The following AFG1L variants were observed in gnomAD, a reference collection of about 807,000 sequenced individuals.
AFG1L encodes the protein AFG1-like ATPase.
AFG1L carries 53 observed loss-of-function variants against 62.2 expected under a neutral mutation model. The ratio of observed to expected loss-of-function variants is 0.85; its 90% CI spans 0.68 to 1.07. The LOEUF is 1.07. AFG1L is among the 50% of genes least tolerant of loss of function. The pLI is 0.00. For synonymous variants in AFG1L, 228 were observed against 210.3 expected, an observed-to-expected ratio of 1.08 and a Z score of -0.73; for missense variants, 555 against 590.5, an observed-to-expected ratio of 0.94 and a Z score of 0.62.
intron 1 of AFG1L, among the ~76,000 whole-genome samples, chr6:108,300,400 A>G (rs991190299): frequency 1.3e-5 from 2 of 152,112 alleles, no homozygotes; most frequent in African/African-American, 4.8e-5. Flanking sequence ...GATCTGCCCA[A>G]CTTGGACCCC....
chr6:108,330,277 G>A (rs1778223593), intron 2 of AFG1L, among the ~76,000 whole-genome samples: 1 of 149,640 alleles, frequency 6.7e-6, no homozygotes, highest in African/African-American at 2.5e-5. Flanking sequence ...CCGGGTTCAA[G>A]CGATTCTCTT....
intron 8 of AFG1L, among the ~76,000 whole-genome samples, chr6:108,449,169 A>G (rs1771944515): frequency 6.6e-6 from 1 of 151,260 alleles, no homozygotes; most frequent in South Asian, 2.1e-4. Context: ...GTATATATAT[A>G]TATATATAAG....
intron 2 of AFG1L, among the ~76,000 whole-genome samples, chr6:108,343,114 G>T (rs570762654): frequency 6.5e-4 from 99 of 151,680 alleles, no homozygotes; most frequent in African/African-American, 2.1e-3. Context: ...GCCCAGGCTG[G>T]AGTGCAATGG....
chr6:108,301,859 G>A (rs1484257056), intron 1 of AFG1L, among the ~76,000 whole-genome samples: 1 of 151,878 alleles, frequency 6.6e-6, no homozygotes, highest in Non-Finnish European at 1.5e-5. Context: ...CTTCTGAGTA[G>A]CAACCAGAGA....
intron 10 of AFG1L, among the ~76,000 whole-genome samples, chr6:108,503,251 C>T (rs565741763): frequency 2.0e-5 from 3 of 152,326 alleles, no homozygotes; most frequent in African/African-American, 4.8e-5. Context: ...TTTCAATTAA[C>T]TTAGCCCAGA....
intron 7 of AFG1L, among the ~76,000 whole-genome samples, chr6:108,428,130 TC>T (rs1435305866): frequency 2.0e-5 from 3 of 152,106 alleles, no homozygotes; most frequent in Non-Finnish European, 4.4e-5. Context: ...GTCTCTAATG[TC>T]CATTATATCA....
intron 7 of AFG1L, among the ~76,000 whole-genome samples, chr6:108,435,286 G>A (rs1279029294): frequency 2.0e-5 from 3 of 152,198 alleles, no homozygotes; most frequent in Non-Finnish European, 1.5e-5. Context: ...TACTGGCCAG[G>A]TAGGAGGACT....
chr6:108,350,332 TTAAA>T (rs140196745), intron 3 of AFG1L, among the ~76,000 whole-genome samples: 4,394 of 151,722 alleles, frequency 0.029, 207 homozygotes, highest in African/African-American at 0.1. Context: ...TAAGAAAAAT[TTAAA>T]TAAATAAATA....
intron 11 of AFG1L, among the ~76,000 whole-genome samples, chr6:108,510,634 C>T (rs943616323): frequency 6.6e-6 from 1 of 152,176 alleles, no homozygotes; most frequent in Non-Finnish European, 1.5e-5. Flanking sequence ...AGTAAAGCTC[C>T]CATCACAAGA....
intron 1 of AFG1L, among the ~76,000 whole-genome samples, chr6:108,304,732 A>G (rs952773757): frequency 3.3e-5 from 5 of 152,338 alleles, no homozygotes; most frequent in South Asian, 4.1e-4. Flanking sequence ...GATTTCATTT[A>G]ACTAAGCATG....
At chr6:108,340,845 G>C (rs1266632485) in intron 2 of AFG1L, among the ~76,000 whole-genome samples, 1 of 152,138 alleles carries the variant, frequency 6.6e-6, no homozygotes, top group Non-Finnish European at 1.5e-5. Context: ...ACGTGGGTGG[G>C]ATTGCAGTTT....
At chr6:108,346,826 T>G (rs866630147) in intron 2 of AFG1L, among the ~76,000 whole-genome samples, 162 bp from the exon 3 acceptor site, 1 of 152,234 alleles carries the variant, frequency 6.6e-6, no homozygotes, top group Non-Finnish European at 1.5e-5. Flanking sequence ...TAAGGCTGCA[T>G]AATATTTCAG....
chr6:108,425,111 A>G (rs187305765), intron 7 of AFG1L, among the ~76,000 whole-genome samples: 16 of 152,268 alleles, frequency 1.1e-4, no homozygotes. Context: ...AGAGCAAGGC[A>G]TATGTAGAAA....
intron 8 of AFG1L, among the ~76,000 whole-genome samples, chr6:108,476,198 T>A (rs1036291939): frequency 1.3e-5 from 2 of 152,170 alleles, no homozygotes; most frequent in Non-Finnish European, 2.9e-5. Flanking sequence ...GATTTCTAAT[T>A]AGAATACAAA....
intron 10 of AFG1L, among the ~76,000 whole-genome samples, chr6:108,499,803 T>TA (rs1212189717): frequency 6.6e-6 from 1 of 152,044 alleles, no homozygotes; most frequent in Non-Finnish European, 1.5e-5. Flanking sequence ...GGAATTTTTT[T>TA]AAAAAAATAA....
intron 1 of AFG1L, among the ~76,000 whole-genome samples, chr6:108,300,702 T>G (rs971093858): frequency 6.6e-6 from 1 of 151,288 alleles, no homozygotes. Context: ...AGACTGAATA[T>G]CACTCTGTCA....
At chr6:108,306,950 C>T (rs1033251793) in intron 1 of AFG1L, among the ~76,000 whole-genome samples, 1 of 152,052 alleles carries the variant, frequency 6.6e-6, no homozygotes, top group Non-Finnish European at 1.5e-5. Flanking sequence ...TAAAACAGGT[C>T]TCTCCTGTTT....
chr6:108,377,649 G>A (rs1027158444), intron 6 of AFG1L, among the ~76,000 whole-genome samples: 3 of 151,928 alleles, frequency 2.0e-5, no homozygotes, highest in African/African-American at 7.3e-5. Context: ...TACATAATCT[G>A]CCCCTTTTCT....
At chr6:108,466,229 T>C (rs1439966931) in intron 8 of AFG1L, among the ~76,000 whole-genome samples, 4 of 152,256 alleles carry the variant, frequency 2.6e-5, no homozygotes, top group Non-Finnish European at 2.9e-5. Flanking sequence ...CTACAACCAA[T>C]TGGAAAACTG....
Sources: allele counts gnomAD v4.1 joint callset (sites outside exome capture counted in the v4.1 genomes callset), GRCh38; gene constraint gnomAD v4.1.1; transcripts MANE v1.5; gene names NCBI Gene and HGNC (gene_info 2026-07-23, HGNC 2026-07-21).